FAF1: variants seen among roughly 807,000 people sequenced by gnomAD.
FAF1 encodes FAS-associated factor 1.
In FAF1, 25 loss-of-function variants were observed where a neutral mutation model predicts 92.5. That is an observed-to-expected ratio of 0.27 (90% CI 0.20 to 0.38). The LOEUF (loss-of-function observed/expected upper bound fraction) is 0.38, where lower values mean the gene tolerates loss of function less well. Ranked by LOEUF, FAF1 falls within the 10% of genes least tolerant of loss-of-function variation. FAF1 has a pLI of 1.00. For synonymous variants in FAF1, 234 were observed against 273.2 expected (o/e 0.86, Z 1.42); for missense variants, 636 against 793.3 (o/e 0.80, Z 2.38).
chr1:50,530,042 C>T lies in FAF1; in HGVS notation c.1494+5327G>A, dbSNP rs566289627. Among the ~76,000 whole-genome samples, 6 of 152,230 alleles carry T rather than the reference C, an allele frequency of 3.9e-5. No individual in the cohort carries two copies. The South Asian group carries it at 1.0e-3, about 26-fold the overall frequency. ...GTAACCTAATCATCAACAGTTAACA[C>T]AGCCCTTTCTCCTTGAAGTTACTTT... On this transcript the variant is annotated intron_variant, in intron 15 of 18. Transcript: ENST00000396153.
intron 7 of FAF1, among the ~76,000 whole-genome samples, chr1:50,687,082 G>A (rs1178659217): frequency 6.6e-6 from 1 of 152,122 alleles, no homozygotes; most frequent in East Asian, 1.9e-4. Context: ...GTCCACCTGA[G>A]CCTTCCAAAG....
chr1:50,679,501 A>T (rs1334249912), intron 7 of FAF1, among the ~76,000 whole-genome samples: 1 of 151,764 alleles, frequency 6.6e-6, no homozygotes, highest in Non-Finnish European at 1.5e-5. Context: ...CTGCCTCTCT[A>T]CTCAGACATT....
chr1:50,944,182 G>A (rs559080271), intron 1 of FAF1, among the ~76,000 whole-genome samples: 1 of 152,270 alleles, frequency 6.6e-6, no homozygotes, highest in South Asian at 2.1e-4. Flanking sequence ...AACCACTGCT[G>A]TTTCCAGTAG....
intron 13 of FAF1, among the ~76,000 whole-genome samples, chr1:50,559,358 AC>A (rs1649757872): frequency 1.3e-5 from 2 of 152,248 alleles, no homozygotes; most frequent in East Asian, 3.9e-4. Flanking sequence ...AGAGGCCATC[AC>A]TTTTATCCAT....
intron 18 of FAF1, among the ~76,000 whole-genome samples, chr1:50,469,100 T>C (rs974844408): frequency 6.6e-6 from 1 of 152,218 alleles, no homozygotes; most frequent in Non-Finnish European, 1.5e-5. Context: ...TATTTACTTT[T>C]TTTTGAATGT....
chr1:50,550,248 G>A (rs1309105373), intron 13 of FAF1, among the ~76,000 whole-genome samples: 2 of 151,722 alleles, frequency 1.3e-5, no homozygotes, highest in African/African-American at 4.8e-5. Flanking sequence ...CTACTTGGGA[G>A]GCTGAGGCAG....
intron 1 of FAF1, among the ~76,000 whole-genome samples, chr1:50,907,361 C>A (rs1644848629): frequency 6.6e-6 from 1 of 152,122 alleles, no homozygotes; most frequent in Non-Finnish European, 1.5e-5. Flanking sequence ...TGTGTCTCTG[C>A]CGAGCTTTGG....
intron 3 of FAF1, among the ~76,000 whole-genome samples, chr1:50,790,152 T>G (rs1488426598): frequency 6.6e-6 from 1 of 152,060 alleles, no homozygotes; most frequent in Non-Finnish European, 1.5e-5. Context: ...GTATGTTTTG[T>G]TTTTTGTTTG....
intron 1 of FAF1, among the ~76,000 whole-genome samples, chr1:50,926,571 C>T (rs1351835471): frequency 1.3e-5 from 2 of 151,532 alleles, no homozygotes; most frequent in African/African-American, 4.9e-5. Context: ...GATAAAAAAG[C>T]AGACTTTAAA....
intron 1 of FAF1, among the ~76,000 whole-genome samples, chr1:50,933,479 T>C (rs1431766964): frequency 1.3e-5 from 2 of 152,214 alleles, no homozygotes; most frequent in East Asian, 3.8e-4. Context: ...CATCTCCATC[T>C]GAGACCACCT....
chr1:50,718,578 C>T (rs1658285151), intron 6 of FAF1, among the ~76,000 whole-genome samples: 1 of 152,108 alleles, frequency 6.6e-6, no homozygotes, highest in African/African-American at 2.4e-5. Context: ...ACAAAAATAA[C>T]AATTTAAAAT....
intron 1 of FAF1, among the ~76,000 whole-genome samples, chr1:50,929,099 G>GAAAAAAA (rs57523646): frequency 7.2e-6 from 1 of 138,830 alleles, no homozygotes. Flanking sequence ...AGAAAGAAAA[G>GAAAAAAA]AAAAAAAAAC....
At chr1:50,925,209 A>AT (rs1210588719) in intron 1 of FAF1, among the ~76,000 whole-genome samples, 1 of 152,198 alleles carries the variant, frequency 6.6e-6, no homozygotes, top group Non-Finnish European at 1.5e-5. Flanking sequence ...ACATACAAAA[A>AT]TTAACTCAAA....
At chr1:50,697,838 GTAC>G (rs1657299759) in intron 7 of FAF1, among the ~76,000 whole-genome samples, 1 of 151,822 alleles carries the variant, frequency 6.6e-6, no homozygotes. Flanking sequence ...GGGTAATAAG[GTAC>G]TATACTATAG....
intron 18 of FAF1, among the ~76,000 whole-genome samples, chr1:50,443,529 G>A (rs1287964305): frequency 1.3e-5 from 2 of 152,202 alleles, no homozygotes; most frequent in Admixed American, 6.5e-5. Context: ...CAGCCATATG[G>A]TTAATAAGTG....
intron 18 of FAF1, chr1:50,452,099 A>C: frequency 7.4e-7 from 1 of 1,345,448 alleles, no homozygotes; most frequent in Non-Finnish European, 9.8e-7. Context: ...AAAACAGGAG[A>C]TGATCCAAGT....
intron 5 of FAF1, among the ~76,000 whole-genome samples, chr1:50,739,391 T>TACAC (rs1356021491): frequency 0.014 from 1,959 of 138,384 alleles, 42 homozygotes; most frequent in African/African-American, 0.058. Context: ...CATATATGTG[T>TACAC]GTTTATGTGT....
intron 7 of FAF1, among the ~76,000 whole-genome samples, chr1:50,676,911 C>T (rs1197534977): frequency 6.6e-6 from 1 of 152,008 alleles, no homozygotes; most frequent in African/African-American, 2.4e-5. Context: ...AACCAATATG[C>T]TATGCTGCCT....
intron 18 of FAF1, chr1:50,452,041 G>C (rs1347584791): frequency 7.6e-7 from 1 of 1,310,460 alleles, no homozygotes; most frequent in Non-Finnish European, 9.9e-7. Context: ...AGGCCCAGAG[G>C]GGATTCTATT....
Sources: allele counts gnomAD v4.1 joint callset (sites outside exome capture counted in the v4.1 genomes callset), GRCh38; gene constraint gnomAD v4.1.1; transcripts MANE v1.5; gene names NCBI Gene and HGNC (gene_info 2026-07-23, HGNC 2026-07-21).